MAGI2: variants seen among roughly 807,000 people sequenced by gnomAD.
The protein encoded by MAGI2 is membrane-associated guanylate kinase, WW and PDZ domain-containing protein 2.
In MAGI2, 35 loss-of-function variants were observed where a neutral mutation model predicts 133.3. That is an observed-to-expected ratio of 0.26 (90% CI 0.20 to 0.35). The LOEUF (loss-of-function observed/expected upper bound fraction) is 0.35. Ranked by LOEUF, MAGI2 falls within the 10% of genes least tolerant of loss-of-function variation. The probability of loss-of-function intolerance (pLI) is 1.00; values close to 1 mark genes in which losing one functional copy is unlikely to be tolerated. For missense variants in MAGI2, 1,636 were observed against 1,863.4 expected (o/e 0.88, Z 2.25); for synonymous variants, 729 against 710.6 (o/e 1.03, Z -0.41).
rs573397355 is a variant in MAGI2, at chr7:78,229,805, A to AAG, written c.2047+26136_2047+26137dup. Among the ~76,000 whole-genome samples, 33 of 152,348 alleles carry AAG rather than the reference A, an allele frequency of 2.2e-4. No homozygotes were observed. In the East Asian group the frequency reaches 6.2e-3, roughly 29 times the overall value. The stretch of plus-strand genomic sequence containing the variant: ...CAATAGAAGTCACTGCAGGTGTCAT[A>AAG]AGAGAGAGCTCCTGGATTCTGGCAG... On this transcript the variant is annotated intron_variant, in intron 10 of 21. Coordinates refer to ENST00000354212, the MANE Select transcript of MAGI2 (RefSeq NM_012301.4).
chr7:78,326,860 G>T lies in MAGI2; in HGVS notation c.1408+16918C>A, dbSNP rs200597814. Among the ~76,000 whole-genome samples, 14 of 152,222 alleles carry T rather than the reference G, an allele frequency of 9.2e-5. No individual in the cohort carries two copies. In the East Asian group the frequency reaches 2.7e-3, roughly 29 times the overall value. ...AGGTATGGTCTGCCTCTGAATCACT[G>T]CCTTTCCCCTCCCTTCATTCTTCAA... On this transcript the variant is annotated intron_variant, in intron 9 of 21. Transcript: ENST00000354212.
At chr7:78,753,486 A>C (rs890946392) in intron 2 of MAGI2, among the ~76,000 whole-genome samples, 2 of 152,170 alleles carry the variant, frequency 1.3e-5, no homozygotes, top group African/African-American at 4.8e-5. Context: ...GATATGACAT[A>C]TGGATCACTG....
intron 6 of MAGI2, among the ~76,000 whole-genome samples, chr7:78,472,026 C>T (rs1791259822): frequency 6.6e-6 from 1 of 152,076 alleles, no homozygotes; most frequent in Non-Finnish European, 1.5e-5. Flanking sequence ...TGAATCCAAG[C>T]AGTGTGGCTC....
intron 2 of MAGI2, among the ~76,000 whole-genome samples, chr7:78,961,827 G>A (rs191389719): frequency 1.4e-4 from 21 of 151,872 alleles, no homozygotes; most frequent in African/African-American, 4.3e-4. Flanking sequence ...GTCATTGTGC[G>A]AATATCGTAG....
At chr7:79,377,912 G>C (rs939238772) in intron 1 of MAGI2, among the ~76,000 whole-genome samples, 8 of 151,816 alleles carry the variant, frequency 5.3e-5, no homozygotes, top group African/African-American at 1.9e-4. Flanking sequence ...ACAGCACCAG[G>C]AGATATTATT....
At chr7:78,529,710 T>A (rs1403589410) in intron 3 of MAGI2, among the ~76,000 whole-genome samples, 1 of 122,766 alleles carries the variant, frequency 8.1e-6, no homozygotes, top group Non-Finnish European at 1.6e-5. Flanking sequence ...TGGGACATGG[T>A]CTCACTGTGT....
chr7:78,497,186 T>A (rs141084152), intron 5 of MAGI2, among the ~76,000 whole-genome samples: 195 of 152,306 alleles, frequency 1.3e-3, no homozygotes, highest in Middle Eastern at 6.8e-3. Flanking sequence ...GTCAAAGAGA[T>A]TACTGGTTTT....
chr7:79,023,508 TAA>T (rs958161168), intron 1 of MAGI2, among the ~76,000 whole-genome samples: 2 of 151,980 alleles, frequency 1.3e-5, no homozygotes, highest in African/African-American at 4.8e-5. Context: ...GAGAAAGAAA[TAA>T]AAGACATTCA....
chr7:79,287,381 CAG>C (rs1836096230), intron 1 of MAGI2, among the ~76,000 whole-genome samples: 1 of 152,010 alleles, frequency 6.6e-6, no homozygotes, highest in South Asian at 2.1e-4. Context: ...ATATTGAAAA[CAG>C]TGTTGTCCAA....
At chr7:78,936,365 C>T (rs1800518188) in intron 2 of MAGI2, among the ~76,000 whole-genome samples, 1 of 151,868 alleles carries the variant, frequency 6.6e-6, no homozygotes, top group South Asian at 2.1e-4. Context: ...GACTTTCCTA[C>T]ATATACTCTG....
intron 1 of MAGI2, among the ~76,000 whole-genome samples, chr7:79,386,087 T>C (rs1844160159): frequency 6.8e-6 from 1 of 147,428 alleles, no homozygotes; most frequent in South Asian, 2.2e-4. Flanking sequence ...AATAAAAAAT[T>C]TTAATATAGA....
rs78743740 is a variant in MAGI2, at chr7:78,165,331, A to T, written c.2596+2585T>A. ...CAGAGTGAGACCTTTTCTCAAAAAA[A>T]TTTTTTGCCTTTCTATCCTTAGCAT... is the stretch of plus-strand genomic sequence containing the variant. On this transcript the variant is annotated intron_variant, in intron 15 of 21. Transcript: ENST00000354212. Among the ~76,000 whole-genome samples, 97 of 152,096 alleles carry T rather than the reference A, an allele frequency of 6.4e-4. No homozygotes were observed. In the East Asian group the frequency reaches 0.016, roughly 25 times the overall value.
intron 21 of MAGI2, among the ~76,000 whole-genome samples, chr7:78,070,574 GTATATATGTGTA>G (rs201552883): frequency 0.094 from 6,379 of 68,152 alleles, 191 homozygotes; most frequent in Non-Finnish European, 0.12. Flanking sequence ...ATATATGTGT[GTATATATGTGTA>G]TATATATGTG....
intron 1 of MAGI2, among the ~76,000 whole-genome samples, chr7:79,418,167 C>A (rs1393594950): frequency 6.6e-6 from 1 of 151,812 alleles, no homozygotes; most frequent in Non-Finnish European, 1.5e-5. Flanking sequence ...TAATGGTGCA[C>A]CTTAAATCAA....
chr7:79,234,718 ACTTCTTTGC>A (rs2129554525), intron 1 of MAGI2, among the ~76,000 whole-genome samples: 1 of 149,802 alleles, frequency 6.7e-6, no homozygotes, highest in South Asian at 2.1e-4. Flanking sequence ...AAAGTTTTCA[ACTTCTTTGC>A]CTTTGGTTTG....
intron 2 of MAGI2, among the ~76,000 whole-genome samples, chr7:78,631,726 G>A (rs540766122): frequency 1.3e-4 from 20 of 152,212 alleles, no homozygotes; most frequent in East Asian, 3.9e-4. Flanking sequence ...TTTCTGGCTC[G>A]TCATGTGTCA....
intron 1 of MAGI2, among the ~76,000 whole-genome samples, chr7:79,161,332 A>T (rs1824335375): frequency 6.6e-6 from 1 of 152,048 alleles, no homozygotes; most frequent in South Asian, 2.1e-4. Flanking sequence ...GCTAGTCGGG[A>T]CAAATCCTCC....
chr7:78,558,846 T>G (rs1800096454), intron 3 of MAGI2, among the ~76,000 whole-genome samples: 1 of 151,486 alleles, frequency 6.6e-6, no homozygotes, highest in South Asian at 2.1e-4. Context: ...CGTTTTTTTT[T>G]TTTTTTTTTT....
intron 2 of MAGI2, among the ~76,000 whole-genome samples, chr7:78,933,723 T>C (rs920475629): frequency 6.6e-6 from 1 of 152,098 alleles, no homozygotes; most frequent in Non-Finnish European, 1.5e-5. Context: ...GGTTAAAATG[T>C]GTGGTGGTTT....
Sources: gnomAD v4.1 joint callset for allele counts (sites outside exome capture counted in the v4.1 genomes callset) on GRCh38, gnomAD v4.1.1 for gene constraint, MANE v1.5 for transcripts, NCBI Gene and HGNC (gene_info 2026-07-23, HGNC 2026-07-21) for gene names.